The following KLHL41 variants were observed in gnomAD, a reference collection of about 807,000 sequenced individuals.
KLHL41 encodes kelch-like protein 41.
Under a neutral mutation model 49.2 loss-of-function variants are expected in KLHL41, and 31 were observed. The ratio of observed to expected loss-of-function variants is 0.63; its 90% CI spans 0.47 to 0.85. The LOEUF is 0.85. Ranked by LOEUF, KLHL41 falls within the 40% of genes least tolerant of loss-of-function variation. The pLI is 0.00. For missense variants in KLHL41, 663 were observed against 726.7 expected (o/e 0.91, Z 1.01); for synonymous variants, 218 against 258.5 (o/e 0.84, Z 1.50).
chr2:169,522,901 T>C (rs1161567549), intron 5 of KLHL41, among the ~76,000 whole-genome samples: 1 of 151,678 alleles, frequency 6.6e-6, no homozygotes, highest in East Asian at 1.9e-4. Context: ...TTTTGTATTT[T>C]TAGTAGAGAT....
Position 169,510,711 on chromosome 2 carries a change from C to T in KLHL41, c.933C>T (p.Asp311=). The change falls in exon 1 of 6, where the codon GAC becomes GAT. Residue 311 remains aspartate (D), a synonymous_variant. Transcript: ENST00000284669. This position sits in a 1 kb window ranked among gnomAD's most constrained non-coding sequence, Gnocchi z 4.2. Reference sequence around the variant, plus strand: ...AAGACCTCATCCTCTTGGTTAATGACACAGCAGCAGTGGCTTATGACCCCA... The same window carrying T: ...AAGACCTCATCCTCTTGGTTAATGATACAGCAGCAGTGGCTTATGACCCCA... ...FVKDLILLVN[D]TAAVAYDPTE... 6.2e-7 allele frequency: 1 copy of T among 1,614,158 alleles called. No homozygotes were observed. Among genetic ancestry groups the T allele is most frequent in the South Asian group, 1.1e-5 (1 of 91,076 alleles).
chr2:169,510,954 C>A lies in KLHL41; in HGVS notation c.1110+66C>A. On this transcript the variant is annotated intron_variant, in intron 1 of 5. Transcript: ENST00000284669. The surrounding 1 kb of genome is among the most constrained non-coding windows in gnomAD (Gnocchi z 4.2). ...GGCTGTTACTCACCATCCAGTTAGC[C>A]AATTTGTGAATTATTCAAGCTGCTT... The A allele has an allele frequency of 3.0e-6, 4 of 1,352,124 alleles. No homozygotes were observed. The highest frequency in any genetic ancestry group is 1.3e-5 in the South Asian group (1 of 74,210). The allele number at this position is 1,352,124 out of a possible 1,614,324, so 83.8% of individuals were successfully genotyped here.
rs749436604 is a variant in KLHL41 at position 169,510,074 on chromosome 2, A to G, written c.296A>G (p.Asn99Ser). The G allele has an allele frequency of 6.8e-6, 11 of 1,614,078 alleles. No homozygotes were observed. In the East Asian group the frequency reaches 8.9e-5, roughly 13 times the overall value. Residue 99 changes from asparagine to serine, a missense_variant, in exon 1 of 6, where the codon AAT becomes AGT. Physicochemically the swap from Asn to Ser is conservative, Grantham distance 46. Coordinates refer to ENST00000284669, the MANE Select transcript of KLHL41 (RefSeq NM_006063.3). This position sits in a 1 kb window ranked among gnomAD's most constrained non-coding sequence, Gnocchi z 4.2. ...KYLYSASIDL[N>S]DGNVQDIFAL... ...CTGTACTCTGCCAGTATTGATCTCAATGACGGAAATGTGCAAGATATTTTT... is the reference window on the plus strand; with the variant it reads ...CTGTACTCTGCCAGTATTGATCTCAGTGACGGAAATGTGCAAGATATTTTT...
intron 1 of KLHL41, chr2:169,514,316 G>T: frequency 3.0e-6 from 1 of 330,942 alleles, no homozygotes; most frequent in Non-Finnish European, 5.4e-6. Context: ...ATTAACCTCT[G>T]GTGATTCTAT....
intron 4 of KLHL41, among the ~76,000 whole-genome samples, chr2:169,518,686 G>A (rs1237168717): frequency 1.3e-5 from 2 of 152,106 alleles, no homozygotes; most frequent in Non-Finnish European, 2.9e-5. Flanking sequence ...GAATAATTAT[G>A]ATTATTTTTA....
chr2:169,510,558 AG>A lies in KLHL41; in HGVS notation c.782del (p.Gly261AlafsTer18). 4.3e-6 allele frequency: 7 copies of A among 1,614,112 alleles called. No individual in the cohort carries two copies. Among genetic ancestry groups the A allele is most frequent in the Non-Finnish European group, 5.9e-6 (7 of 1,180,000 alleles). Reference protein sequence around the residue: ...KIKVLKDAFAGKLPEPSKNAA... With the variant: ...KIKVLKDAFAXKLPEPSKNAA... ...TCAAAGTTCTAAAAGATGCTTTCGC[AG>A]GCAAACTCCCAGAACCTAGCAAAAA... On this transcript the variant is annotated frameshift_variant, in exon 1 of 6. Transcript: ENST00000284669. LOFTEE classifies it high-confidence loss of function. The surrounding 1 kb of genome is among the most constrained non-coding windows in gnomAD (Gnocchi z 4.2).
intron 1 of KLHL41, among the ~76,000 whole-genome samples, chr2:169,512,011 G>T (rs1393212578): frequency 2.0e-5 from 3 of 152,136 alleles, no homozygotes; most frequent in African/African-American, 7.2e-5. Flanking sequence ...GCTAATCATG[G>T]CTGGGGCTTA....
At chr2:169,523,485 A>G (rs1389285144) in intron 5 of KLHL41, among the ~76,000 whole-genome samples, 1 of 152,142 alleles carries the variant, frequency 6.6e-6, no homozygotes, top group Non-Finnish European at 1.5e-5. Flanking sequence ...ATTCATCACT[A>G]TCTGCTTGGC....
At chr2:169,512,526 T>G (rs1033817847) in intron 1 of KLHL41, among the ~76,000 whole-genome samples, 5 of 152,140 alleles carry the variant, frequency 3.3e-5, no homozygotes, top group Admixed American at 1.3e-4. Context: ...AGTGTTCAGT[T>G]TAATCTTTGT....
In KLHL41 at chr2:169,518,863, A is replaced by G. The variant is rs116777846; in HGVS notation, c.1562+488A>G. On this transcript the variant is annotated intron_variant, in intron 4 of 5. Transcript: ENST00000284669. ...TTTTGTTTTTGTTTTTGTTTTTGGT[A>G]CAGACAGGGTCTCACTATGTTGTCC... 6.0e-3 allele frequency among the ~76,000 whole-genome samples: 916 copies of G among 152,094 alleles called. 6 individuals carry two copies. Among genetic ancestry groups the G allele is most frequent in the African/African-American group, 0.021 (860 of 41,472 alleles).
At chr2:169,520,294 G>GTA (rs1684182054) in intron 4 of KLHL41, among the ~76,000 whole-genome samples, 4 of 124,260 alleles carry the variant, frequency 3.2e-5, no homozygotes, top group African/African-American at 1.1e-4. Context: ...GTGTGTGTGT[G>GTA]TGTGTGTGTG....
intron 1 of KLHL41, among the ~76,000 whole-genome samples, chr2:169,512,645 T>C (rs1440572302): frequency 6.6e-6 from 1 of 152,138 alleles, no homozygotes; most frequent in Non-Finnish European, 1.5e-5. Flanking sequence ...ATAACAGTTA[T>C]ACAAAGTTGG....
intron 4 of KLHL41, among the ~76,000 whole-genome samples, chr2:169,519,066 C>T (rs114410458): frequency 1.8e-3 from 273 of 152,210 alleles, no homozygotes; most frequent in African/African-American, 6.2e-3. Context: ...AAGATCTTCA[C>T]TTAACTTGTT....
In KLHL41 at chr2:169,525,752, T is replaced by C; in HGVS notation, c.*56T>C. 1.1e-6 allele frequency: 1 copy of C among 944,234 alleles called. No individual in the cohort carries two copies. The highest frequency in any genetic ancestry group is 1.7e-6 in the Non-Finnish European group (1 of 588,710). 58.5% of individuals were successfully genotyped at this position (944,234 alleles called of 1,614,324 possible). A position where few individuals can be genotyped will look rare whatever the true frequency, so the allele number is the denominator to read the frequency against. On this transcript the variant is annotated 3_prime_UTR_variant, in exon 6 of 6. Transcript: ENST00000284669. Reference sequence around the variant, plus strand: ...GTGGTTTGTTTGGTGAATGGGGCTTTAATTTATTCTGTTTTTTAAAAGCTT... The same window carrying C: ...GTGGTTTGTTTGGTGAATGGGGCTTCAATTTATTCTGTTTTTTAAAAGCTT...
Position 169,514,431 on chromosome 2 carries a change from C to T in KLHL41, c.1111-143C>T, listed in dbSNP as rs138408006. Reference sequence around the variant, plus strand: ...GGTAATTATGAGCTACAATGTGATACTTTGGGGTTGTAGTTTTATTTACTT... The same window carrying T: ...GGTAATTATGAGCTACAATGTGATATTTTGGGGTTGTAGTTTTATTTACTT... On this transcript the variant is annotated intron_variant, in intron 1 of 5. Transcript: ENST00000284669. 409 of 584,768 alleles carry T rather than the reference C, an allele frequency of 7.0e-4. 1 individual carries two copies. Among genetic ancestry groups the T allele is most frequent in the African/African-American group, 5.7e-3 (301 of 52,956 alleles). The allele number at this position is 584,768 out of a possible 1,614,324, so 36.2% of individuals were successfully genotyped here.
chr2:169,518,451 CTTTCT>C, intron 4 of KLHL41, 76 bp downstream of exon 4: 1 of 1,155,378 alleles, frequency 8.7e-7, no homozygotes, highest in African/African-American at 1.5e-5. Context: ...AAAAAGTTAT[CTTTCT>C]AATTAGGATG....
Position 169,520,152 on chromosome 2 carries a change from CTGTGTGTGTGTGTGTG to C in KLHL41, c.1563-667_1563-652del, listed in dbSNP as rs59155387. On this transcript the variant is annotated intron_variant, in intron 4 of 5. Transcript: ENST00000284669. ...TAGGGACATACCACCAGGCCTAGCT[CTGTGTGTGTGTGTGTG>C]TGTGTGTGTGTGTGTGTGTGTGTGT... Among the ~76,000 whole-genome samples, 803 of 105,016 alleles carry C rather than the reference CTGTGTGTGTGTGTGTG, an allele frequency of 7.6e-3. 9 individuals are homozygous for C. Among genetic ancestry groups the C allele is most frequent in the East Asian group, 0.021 (70 of 3,352 alleles). 68.9% of individuals were successfully genotyped at this position (105,016 alleles called of 152,430 possible). A position where few individuals can be genotyped will look rare whatever the true frequency, so the allele number is the denominator to read the frequency against.
chr2:169,519,495 A>G (rs1684166380), intron 4 of KLHL41, among the ~76,000 whole-genome samples: 1 of 152,142 alleles, frequency 6.6e-6, no homozygotes, highest in Non-Finnish European at 1.5e-5. Context: ...ATATCTTCTT[A>G]GTTTCATTTA....
At chr2:169,518,691 T>C (rs1175665831) in intron 4 of KLHL41, among the ~76,000 whole-genome samples, 1 of 152,208 alleles carries the variant, frequency 6.6e-6, no homozygotes, top group African/African-American at 2.4e-5. Context: ...ATTATGATTA[T>C]TTTTAAGAGA....
Sources: gnomAD v4.1 joint callset for allele counts (sites outside exome capture counted in the v4.1 genomes callset) on GRCh38, gnomAD v4.1.1 for gene constraint, Gnocchi (gnomAD v3.1) non-coding constraint, MANE v1.5 for transcripts, NCBI Gene and HGNC (gene_info 2026-07-23, HGNC 2026-07-21) for gene names.